ARID4B: variants seen among roughly 807,000 people sequenced by gnomAD.
ARID4B encodes AT-rich interactive domain-containing protein 4B.
Under a neutral mutation model 147.5 loss-of-function variants are expected in ARID4B, and 26 were observed. The observed-to-expected ratio is 0.18, with a 90% CI of 0.13 to 0.24. The LOEUF (loss-of-function observed/expected upper bound fraction) is 0.24, where lower values mean the gene tolerates loss of function less well. Ranked by LOEUF, ARID4B falls within the 10% of genes least tolerant of loss-of-function variation. The probability of loss-of-function intolerance (pLI) is 1.00; values close to 1 mark genes in which losing one functional copy is unlikely to be tolerated. For synonymous variants in ARID4B, 512 were observed against 507.9 expected (o/e 1.01, Z -0.11); for missense variants, 1,179 against 1,511.5 (o/e 0.78, Z 3.65).
chr1:235,275,664 C>T (rs925403349), intron 2 of ARID4B, among the ~76,000 whole-genome samples: 1 of 152,140 alleles, frequency 6.6e-6, no homozygotes, highest in African/African-American at 2.4e-5. Context: ...ACCAAAATAG[C>T]TTTAATTAAA....
At chr1:235,191,411 G>C (rs1387226066) in intron 19 of ARID4B, among the ~76,000 whole-genome samples, 2 of 151,844 alleles carry the variant, frequency 1.3e-5, no homozygotes, top group Non-Finnish European at 2.9e-5. Context: ...ACCACACCCG[G>C]CAAAGTTTTT....
intron 12 of ARID4B, among the ~76,000 whole-genome samples, chr1:235,223,684 CATTTT>C (rs986149840): frequency 3.4e-5 from 4 of 117,144 alleles, no homozygotes; most frequent in African/African-American, 1.3e-4. Context: ...AGTAAAGCTA[CATTTT>C]TTTTTTTTTT....
At chr1:235,308,663 G>A (rs1012459218) in intron 2 of ARID4B, among the ~76,000 whole-genome samples, 1 of 152,162 alleles carries the variant, frequency 6.6e-6, no homozygotes, top group Non-Finnish European at 1.5e-5. Context: ...TTTTGGTGGA[G>A]ACGGGGCTTC....
chr1:235,194,560 C>T (rs1344566344), intron 18 of ARID4B, among the ~76,000 whole-genome samples: 2 of 152,152 alleles, frequency 1.3e-5, no homozygotes, highest in Non-Finnish European at 2.9e-5. Context: ...GTGGCTCACA[C>T]CTGTAATCCC....
At chr1:235,217,378 T>TA (rs910634189) in intron 16 of ARID4B, among the ~76,000 whole-genome samples, 49 of 151,988 alleles carry the variant, frequency 3.2e-4, no homozygotes, top group South Asian at 6.2e-4. Flanking sequence ...ACATACAGGT[T>TA]AAAAAAAATT....
intron 19 of ARID4B, 79 bp downstream of exon 19, chr1:235,193,934 G>A: frequency 9.2e-7 from 1 of 1,084,158 alleles, no homozygotes; most frequent in Non-Finnish European, 1.3e-6. Flanking sequence ...AGTTGGTAAT[G>A]TCACTGAATT....
At chr1:235,278,699 C>A (rs1366445810) in intron 2 of ARID4B, among the ~76,000 whole-genome samples, 1 of 152,174 alleles carries the variant, frequency 6.6e-6, no homozygotes. Context: ...ACCTTGTGAA[C>A]ACACACATTC....
intron 8 of ARID4B, among the ~76,000 whole-genome samples, chr1:235,235,938 T>G (rs1218371517): frequency 6.7e-6 from 1 of 150,342 alleles, no homozygotes; most frequent in Admixed American, 6.6e-5. Flanking sequence ...GTTTCCTTTT[T>G]CTTTTTCTTT....
In ARID4B at chr1:235,213,847, T is replaced by C; in HGVS notation, c.1763A>G (p.Tyr588Cys). ...RYGRGKNQKM[Y>C]EASIKDSDVE... ...ATCAGAATCTTTAATACTAGCTTCA[T>C]ACATTTTTTGATTTTTCCCTCGTCC... is the stretch of plus-strand genomic sequence containing the variant. Residue 588 changes from tyrosine (Y) to cysteine (C), a missense_variant, in exon 17 of 24, where the codon TAT (tyrosine) becomes TGT (cysteine). By Grantham distance (194) the Tyr-to-Cys change is radical (BLOSUM62 -2). Coordinates refer to ENST00000264183, the MANE Select transcript of ARID4B (RefSeq NM_016374.6). 6.2e-7 allele frequency: 1 copy of C among 1,614,122 alleles called. No homozygotes were observed. The highest frequency in any genetic ancestry group is 1.1e-5 in the South Asian group (1 of 91,082).
At chr1:235,319,464 T>C (rs920917386) in intron 2 of ARID4B, among the ~76,000 whole-genome samples, 8 of 152,198 alleles carry the variant, frequency 5.3e-5, no homozygotes, top group African/African-American at 1.9e-4. Context: ...TGAGCTGTGA[T>C]TGCGCCACTA....
At chr1:235,237,330 C>T (rs180850473) in intron 8 of ARID4B, among the ~76,000 whole-genome samples, 28 of 152,074 alleles carry the variant, frequency 1.8e-4, no homozygotes, top group African/African-American at 6.5e-4. Flanking sequence ...ATCTCTACAT[C>T]GGGATAAATA....
intron 2 of ARID4B, among the ~76,000 whole-genome samples, chr1:235,286,511 A>G (rs896563822): frequency 6.6e-6 from 1 of 152,244 alleles, no homozygotes; most frequent in Non-Finnish European, 1.5e-5. Flanking sequence ...GAGCACGAAG[A>G]AGGACGTAAA....
chr1:235,282,326 C>CT (rs1345414910), intron 2 of ARID4B, among the ~76,000 whole-genome samples: 2 of 152,206 alleles, frequency 1.3e-5, no homozygotes, highest in African/African-American at 2.4e-5. Context: ...AGCGCTGTCT[C>CT]TAACTTACAA....
At chr1:235,233,702 C>CT (rs1327014272) in intron 9 of ARID4B, among the ~76,000 whole-genome samples, 3 of 151,842 alleles carry the variant, frequency 2.0e-5, no homozygotes, top group African/African-American at 7.2e-5. Context: ...ACAGGTATCA[C>CT]TATAACCATT....
intron 2 of ARID4B, among the ~76,000 whole-genome samples, chr1:235,275,966 A>C (rs956855782): frequency 1.3e-5 from 2 of 152,056 alleles, no homozygotes; most frequent in Non-Finnish European, 2.9e-5. Flanking sequence ...GCAAAACCTC[A>C]TCTCTACAAA....
intron 16 of ARID4B, among the ~76,000 whole-genome samples, chr1:235,214,761 A>C (rs901228066): frequency 7.4e-6 from 1 of 135,174 alleles, no homozygotes; most frequent in Non-Finnish European, 1.7e-5. Context: ...GATGTTCCAA[A>C]GAAATAGACA....
At chr1:235,323,572 G>A (rs1335711163) in intron 2 of ARID4B, among the ~76,000 whole-genome samples, 1 of 152,018 alleles carries the variant, frequency 6.6e-6, no homozygotes, top group East Asian at 2.0e-4. Flanking sequence ...ATCACCTGAG[G>A]TCAGGAGTTC....
intron 17 of ARID4B, among the ~76,000 whole-genome samples, chr1:235,198,455 T>G (rs1486358183): frequency 6.6e-6 from 1 of 152,206 alleles, no homozygotes; most frequent in Non-Finnish European, 1.5e-5. Context: ...ATTCCTTTAT[T>G]ACTCAGATAT....
intron 7 of ARID4B, among the ~76,000 whole-genome samples, chr1:235,244,483 A>T (rs1669176971): frequency 6.6e-6 from 1 of 152,072 alleles, no homozygotes; most frequent in Admixed American, 6.5e-5. Flanking sequence ...AACTTGCTTT[A>T]AAAAAAATTT....
Sources: gnomAD v4.1 joint callset for allele counts (sites outside exome capture counted in the v4.1 genomes callset) on GRCh38, gnomAD v4.1.1 for gene constraint, MANE v1.5 for transcripts, NCBI Gene and HGNC (gene_info 2026-07-23, HGNC 2026-07-21) for gene names.